SEC24D: variants seen among roughly 807,000 people sequenced by gnomAD.
The protein encoded by SEC24D is SEC24 homolog D, COPII component.
Under a neutral mutation model 116.9 loss-of-function variants are expected in SEC24D, and 69 were observed. That is an observed-to-expected ratio of 0.59 (90% CI 0.49 to 0.72). The LOEUF (loss-of-function observed/expected upper bound fraction) is 0.72. Ranked by LOEUF, SEC24D falls within the 30% of genes least tolerant of loss-of-function variation. SEC24D has a pLI of 0.00. For synonymous variants in SEC24D, 405 were observed against 442.8 expected, an observed-to-expected ratio of 0.91 and a Z score of 1.07; for missense variants, 1,131 against 1,264.1, an observed-to-expected ratio of 0.89 and a Z score of 1.60.
At chr4:118,728,378 C>G (rs1009406074) in intron 22 of SEC24D, among the ~76,000 whole-genome samples, 183 bp downstream of exon 22, 12 of 151,984 alleles carry the variant, frequency 7.9e-5, no homozygotes, top group Admixed American at 4.6e-4. Flanking sequence ...ATGTTTGTGA[C>G]TGGTAAGTAG....
At chr4:118,816,623 C>T (rs1730160020) in intron 4 of SEC24D, 1 of 252,086 alleles carries the variant, frequency 4.0e-6, no homozygotes, top group Non-Finnish European at 7.9e-6. Context: ...GAGTAAAAGA[C>T]AGAAAATAGA....
intron 22 of SEC24D, among the ~76,000 whole-genome samples, chr4:118,725,307 T>G (rs1725352252): frequency 6.6e-6 from 1 of 152,180 alleles, no homozygotes; most frequent in South Asian, 2.1e-4. Context: ...AAACTAACCC[T>G]TAATGAGATT....
Position 118,815,575 on chromosome 4 carries a change from G to A in SEC24D, c.549C>T (p.Ala183=). 6.2e-7 allele frequency: 1 copy of A among 1,614,206 alleles called. No homozygotes were observed. Residue 183 remains alanine, a synonymous_variant, in exon 5 of 23, where the codon GCC becomes GCT. Transcript: ENST00000280551. ...TGTACATTGGTAGAGGCAAAGGTGA[G>A]GCACCAGGACCATTGAGTGTGGTGG... The part of the protein sequence containing the change: ...PPPTTLNGPG[A]SPLPLPMYRP...
At chr4:118,760,880 TTTTTTTA>T in intron 10 of SEC24D, among the ~76,000 whole-genome samples, 1 of 151,900 alleles carries the variant, frequency 6.6e-6, no homozygotes, top group Non-Finnish European at 1.5e-5. Context: ...GCTAATTTTT[TTTTTTTA>T]TTTTTATTTT....
chr4:118,799,677 C>T (rs1042977089), intron 7 of SEC24D, among the ~76,000 whole-genome samples: 10 of 152,106 alleles, frequency 6.6e-5, no homozygotes, highest in East Asian at 1.9e-4. Flanking sequence ...AGGAGCCTAG[C>T]GTCCTGAAGT....
chr4:118,780,840 G>C (rs1728364801), intron 8 of SEC24D, among the ~76,000 whole-genome samples: 1 of 151,518 alleles, frequency 6.6e-6, no homozygotes, highest in South Asian at 2.1e-4. Flanking sequence ...TTATGCAATG[G>C]CCTTGTCCCT....
intron 13 of SEC24D, among the ~76,000 whole-genome samples, chr4:118,746,814 CAAAG>C (rs957702554): frequency 4.6e-5 from 7 of 152,176 alleles, no homozygotes; most frequent in Non-Finnish European, 8.8e-5. Flanking sequence ...CTCTTAAAAA[CAAAG>C]AGAGAGAATT....
intron 8 of SEC24D, among the ~76,000 whole-genome samples, chr4:118,792,254 C>T (rs1560706843): frequency 4.6e-5 from 7 of 151,060 alleles, no homozygotes; most frequent in East Asian, 4.0e-4. Flanking sequence ...GCCCGGCAGC[C>T]GCCCCGTCCG....
intron 8 of SEC24D, among the ~76,000 whole-genome samples, chr4:118,794,467 C>T (rs1348553007): frequency 6.6e-6 from 1 of 152,150 alleles, no homozygotes; most frequent in East Asian, 1.9e-4. Context: ...CCAAAACTGA[C>T]ATTATTCATG....
In SEC24D at chr4:118,815,690, C is replaced by G; in HGVS notation, c.434G>C (p.Gly145Ala). Residue 145 changes from glycine to alanine, a missense_variant, in exon 5 of 23, where the codon GGC becomes GCC. Transcript: ENST00000280551. ...CTGCAATGATGTGGCTGACAGAGGG[C>G]CAGGGGGTCCCTGGCTTGGAGGAGC... The part of the protein sequence containing the change: ...GMAPPSQGPP[G>A]PLSATSLQTP... 6.2e-7 allele frequency: 1 copy of G among 1,614,028 alleles called. No homozygotes were observed. The highest frequency in any genetic ancestry group is 8.5e-7 in the Non-Finnish European group (1 of 1,180,004).
At chr4:118,782,555 C>G (rs1375593885) in intron 8 of SEC24D, among the ~76,000 whole-genome samples, 1 of 152,228 alleles carries the variant, frequency 6.6e-6, no homozygotes, top group African/African-American at 2.4e-5. Flanking sequence ...ACATGGGGGT[C>G]AGGGACCCAC....
intron 8 of SEC24D, among the ~76,000 whole-genome samples, chr4:118,794,351 C>A (rs566890949): frequency 3.9e-5 from 6 of 152,180 alleles, no homozygotes; most frequent in Admixed American, 3.9e-4. Context: ...CTATTTCATG[C>A]ATATTTGACC....
rs776453932 is a variant in SEC24D, at chr4:118,805,823, G to A, written c.913+20C>T. On this transcript the variant is annotated intron_variant, in intron 7 of 22. Coordinates refer to ENST00000280551, the MANE Select transcript of SEC24D (RefSeq NM_014822.4). ...AGAAATTTTAAAACCTTAATAAATG[G>A]CATAATTAAAAACAAATACCTTGGT... 1 of 1,385,454 alleles carries A rather than the reference G, an allele frequency of 7.2e-7. No homozygotes were observed. 85.8% of individuals were successfully genotyped at this position (1,385,454 alleles called of 1,614,324 possible). A position where few individuals can be genotyped will look rare whatever the true frequency, so the allele number is the denominator to read the frequency against.
At chr4:118,818,283 C>G (rs1730239472) in intron 3 of SEC24D, among the ~76,000 whole-genome samples, 1 of 152,136 alleles carries the variant, frequency 6.6e-6, no homozygotes, top group Non-Finnish European at 1.5e-5. Flanking sequence ...ATTTCTCTAT[C>G]TGAAAACTGG....
rs549854843 is a variant in SEC24D, at chr4:118,734,271, C to T, written c.2497-1359G>A. 7.0e-4 allele frequency among the ~76,000 whole-genome samples: 106 copies of T among 151,530 alleles called. 1 individual carries two copies. The highest frequency in any genetic ancestry group is 2.4e-3 in the African/African-American group (97 of 41,206). On this transcript the variant is annotated intron_variant, in intron 19 of 22. Coordinates refer to ENST00000280551, the MANE Select transcript of SEC24D (RefSeq NM_014822.4). The stretch of plus-strand genomic sequence containing the variant: ...CTCTGTTGCCCAGGCTGGAGTGCAG[C>T]GGCGCAATCTCGGGTCACTGCAACC...
intron 7 of SEC24D, among the ~76,000 whole-genome samples, chr4:118,799,911 CAT>C (rs1328149066): frequency 6.6e-6 from 1 of 151,988 alleles, no homozygotes; most frequent in Non-Finnish European, 1.5e-5. Context: ...ATCAAGAAAA[CAT>C]TTTTATATTT....
At chr4:118,799,409 A>C (rs1043108835) in intron 7 of SEC24D, among the ~76,000 whole-genome samples, 3 of 152,184 alleles carry the variant, frequency 2.0e-5, no homozygotes, top group African/African-American at 7.2e-5. Flanking sequence ...AATCTATTAC[A>C]CAGTCATACA....
At chr4:118,795,267 C>G (rs1012288474) in intron 8 of SEC24D, among the ~76,000 whole-genome samples, 10 of 149,686 alleles carry the variant, frequency 6.7e-5, no homozygotes, top group African/African-American at 1.7e-4. Flanking sequence ...CCAAGATTAT[C>G]ACATAATCTT....
intron 2 of SEC24D, among the ~76,000 whole-genome samples, chr4:118,826,211 C>T (rs900014310): frequency 6.6e-6 from 1 of 151,960 alleles, no homozygotes; most frequent in Non-Finnish European, 1.5e-5. Context: ...AGTTCTAAAC[C>T]CCAAACCCAG....
Sources: allele counts gnomAD v4.1 joint callset (sites outside exome capture counted in the v4.1 genomes callset), GRCh38; gene constraint gnomAD v4.1.1; transcripts MANE v1.5; gene names NCBI Gene and HGNC (gene_info 2026-07-23, HGNC 2026-07-21).